The following RIT2 variants were observed in gnomAD, a reference collection of about 807,000 sequenced individuals.
RIT2 encodes GTP-binding protein Rit2.
Under a neutral mutation model 23.7 loss-of-function variants are expected in RIT2, and 24 were observed. That is an observed-to-expected ratio of 1.01 (90% CI 0.73 to 1.43). The LOEUF (loss-of-function observed/expected upper bound fraction) is 1.43. RIT2 is among the 40% of genes most tolerant of loss of function. The probability of loss-of-function intolerance (pLI) is 0.00; values close to 1 mark genes in which losing one functional copy is unlikely to be tolerated. For missense variants in RIT2, 236 were observed against 266.9 expected (o/e 0.88, Z 0.81); for synonymous variants, 107 against 91.1 (o/e 1.17, Z -0.99).
intron 1 of RIT2, among the ~76,000 whole-genome samples, chr18:43,084,674 T>C (rs1913240243): frequency 6.6e-6 from 1 of 151,492 alleles, no homozygotes. Context: ...CAAGTGGGAG[T>C]TGCACAATGA....
At chr18:42,871,679 G>A (rs900776077) in intron 4 of RIT2, among the ~76,000 whole-genome samples, 3 of 152,180 alleles carry the variant, frequency 2.0e-5, no homozygotes, top group Admixed American at 6.5e-5. Context: ...CCAACCAGGT[G>A]TAGATGTTCT....
intron 3 of RIT2, among the ~76,000 whole-genome samples, chr18:42,932,393 C>T (rs187028332): frequency 3.3e-5 from 5 of 152,264 alleles, no homozygotes; most frequent in Admixed American, 3.3e-4. Flanking sequence ...TATTCTGCAG[C>T]TCTTCTGTCT....
chr18:42,961,008 T>A (rs1910083662), intron 3 of RIT2, among the ~76,000 whole-genome samples: 1 of 152,216 alleles, frequency 6.6e-6, no homozygotes, highest in Non-Finnish European at 1.5e-5. Flanking sequence ...TTCCCTCTTG[T>A]GTCTTGGAGT....
At chr18:42,813,220 C>A (rs1434678823) in intron 4 of RIT2, among the ~76,000 whole-genome samples, 4 of 151,976 alleles carry the variant, frequency 2.6e-5, no homozygotes, top group African/African-American at 9.7e-5. Flanking sequence ...TTTGAAGGTG[C>A]CTATTTAATA....
At chr18:42,747,380 AC>A (rs1386096349) in intron 4 of RIT2, among the ~76,000 whole-genome samples, 1 of 152,116 alleles carries the variant, frequency 6.6e-6, no homozygotes, top group African/African-American at 2.4e-5. Flanking sequence ...ACTACAGAAC[AC>A]TGTTCAAAGA....
At chr18:43,000,551 C>T (rs868135888) in intron 2 of RIT2, among the ~76,000 whole-genome samples, 9 of 151,948 alleles carry the variant, frequency 5.9e-5, no homozygotes, top group South Asian at 4.1e-4. Flanking sequence ...GATATGGTTT[C>T]GCTCTGTGTC....
intron 4 of RIT2, among the ~76,000 whole-genome samples, chr18:42,833,429 T>G (rs1228330734): frequency 1.3e-5 from 2 of 152,216 alleles, no homozygotes; most frequent in Non-Finnish European, 2.9e-5. Flanking sequence ...CTGTTGTGAA[T>G]AGTCTTCCAA....
chr18:42,753,890 A>T (rs1215214560), intron 4 of RIT2, among the ~76,000 whole-genome samples: 1 of 152,200 alleles, frequency 6.6e-6, no homozygotes, highest in Non-Finnish European at 1.5e-5. Flanking sequence ...ATCATCTTCC[A>T]TTTAAAGGTA....
At chr18:42,768,016 C>G (rs150842337) in intron 4 of RIT2, among the ~76,000 whole-genome samples, 2,242 of 151,872 alleles carry the variant, frequency 0.015, 55 homozygotes, top group African/African-American at 0.05. Context: ...AGTGTGAAAA[C>G]AAACTAATAC....
At chr18:43,086,936 G>A (rs1417582129) in intron 1 of RIT2, among the ~76,000 whole-genome samples, 4 of 152,140 alleles carry the variant, frequency 2.6e-5, no homozygotes, top group African/African-American at 9.7e-5. Context: ...CCCAACAGGT[G>A]GTGCAACTGC....
chr18:43,057,476 T>C (rs1912531406), intron 1 of RIT2, among the ~76,000 whole-genome samples: 1 of 152,170 alleles, frequency 6.6e-6, no homozygotes. Context: ...GACAAGCTTC[T>C]ATTAAAGTTA....
At chr18:43,073,910 G>A (rs990949111) in intron 1 of RIT2, among the ~76,000 whole-genome samples, 5 of 152,166 alleles carry the variant, frequency 3.3e-5, no homozygotes, top group African/African-American at 1.2e-4. Context: ...TGAAAGCATG[G>A]AAGGGTATTT....
At chr18:42,945,943 G>A (rs1909718051) in intron 3 of RIT2, among the ~76,000 whole-genome samples, 1 of 152,176 alleles carries the variant, frequency 6.6e-6, no homozygotes, top group Non-Finnish European at 1.5e-5. Flanking sequence ...AAATGGTGTT[G>A]GTTGAAGAAC....
chr18:42,750,055 A>G (rs1913010420), intron 4 of RIT2, among the ~76,000 whole-genome samples: 1 of 151,858 alleles, frequency 6.6e-6, no homozygotes, highest in Admixed American at 6.6e-5. Flanking sequence ...ACTATTATAT[A>G]CAACTTAGAT....
At chr18:42,918,710 T>C (rs956514956) in intron 4 of RIT2, among the ~76,000 whole-genome samples, 1 of 152,196 alleles carries the variant, frequency 6.6e-6, no homozygotes, top group African/African-American at 2.4e-5. Flanking sequence ...TATGAAATTA[T>C]GCTTAGGACG....
At chr18:42,755,991 A>T (rs1913154153) in intron 4 of RIT2, among the ~76,000 whole-genome samples, 1 of 151,970 alleles carries the variant, frequency 6.6e-6, no homozygotes, top group Non-Finnish European at 1.5e-5. Flanking sequence ...TGCTGGGGGA[A>T]TAGGAAGGAG....
At chr18:42,774,310 G>A (rs868317821) in intron 4 of RIT2, among the ~76,000 whole-genome samples, 4 of 151,892 alleles carry the variant, frequency 2.6e-5, no homozygotes, top group Admixed American at 1.3e-4. Context: ...CTTCATAGGC[G>A]ATTTTTTCAG....
intron 4 of RIT2, among the ~76,000 whole-genome samples, chr18:42,858,503 A>G (rs1458807902): frequency 6.6e-6 from 1 of 152,214 alleles, no homozygotes; most frequent in Non-Finnish European, 1.5e-5. Flanking sequence ...AGTCCCCTGA[A>G]TGGAAACTTG....
chr18:43,040,091 G>A (rs564734993), intron 1 of RIT2, among the ~76,000 whole-genome samples: 31 of 152,286 alleles, frequency 2.0e-4, no homozygotes, highest in South Asian at 8.3e-4. Context: ...CATGCTGTCC[G>A]TTCCAAAAGA....
Sources: gnomAD v4.1 joint callset for allele counts (sites outside exome capture counted in the v4.1 genomes callset) on GRCh38, gnomAD v4.1.1 for gene constraint, MANE v1.5 for transcripts, NCBI Gene and HGNC (gene_info 2026-07-23, HGNC 2026-07-21) for gene names.